The following SLCO5A1 variants were observed in gnomAD, a reference collection of about 807,000 sequenced individuals.
SLCO5A1 encodes solute carrier organic anion transporter family member 5A1.
A neutral mutation model predicts 65.1 loss-of-function variants in SLCO5A1; 39 were observed. The observed-to-expected ratio is 0.60, with a 90% CI of 0.46 to 0.78. The LOEUF is 0.78. Ranked by LOEUF, SLCO5A1 falls within the 30% of genes least tolerant of loss-of-function variation. The pLI is 0.00. For missense variants in SLCO5A1, 1,029 were observed against 1,069.4 expected, an observed-to-expected ratio of 0.96 and a Z score of 0.53; for synonymous variants, 438 against 415.7, an observed-to-expected ratio of 1.05 and a Z score of -0.65.
intron 2 of SLCO5A1, among the ~76,000 whole-genome samples, chr8:69,765,783 C>G (rs1237195543): frequency 6.6e-6 from 1 of 152,218 alleles, no homozygotes; most frequent in East Asian, 1.9e-4. Flanking sequence ...TAGGTGGAAC[C>G]AGGTCCCTTC....
At chr8:69,765,828 T>C (rs1188887779) in intron 2 of SLCO5A1, among the ~76,000 whole-genome samples, 2 of 152,108 alleles carry the variant, frequency 1.3e-5, no homozygotes, top group African/African-American at 4.8e-5. Context: ...CCTGGGCCTT[T>C]CCAACTCTCT....
Position 69,679,382 on chromosome 8 carries a change from G to A in SLCO5A1, c.2020C>T (p.Leu674Phe). Residue 674 changes from leucine to phenylalanine, a missense_variant, in exon 8 of 10, where the codon CTC becomes TTC. Around this residue, in one of 3 missense-constraint regions of SLCO5A1, gnomAD observed 258 missense variants for 237.4 expected, o/e 1.09. Transcript: ENST00000260126. ...GAAGTTGAATGCTGTTCTCACCTGA[G>A]TGTTACTATGATAGCTGATGGTTGG... ...CAQPSAIIVT[L>F]RSVEDEERPF... The A allele has an allele frequency of 6.2e-7, 1 of 1,614,168 alleles. No individual in the cohort carries two copies. Among genetic ancestry groups the A allele is most frequent in the African/African-American group, 1.3e-5 (1 of 75,046 alleles).
Position 69,673,357 on chromosome 8 carries a change from G to T in SLCO5A1, c.2090-31C>A, listed in dbSNP as rs373882197. ...GGGGTGGAGAAGAAGAAAATACGAA[G>T]ACTTAGCACATCTTCCAAGGGAAAA... On this transcript the variant is annotated intron_variant, in intron 9 of 9. Transcript: ENST00000260126. 3.8e-6 allele frequency: 6 copies of T among 1,561,670 alleles called. No individual in the cohort carries two copies. The African/African-American group carries it at 8.2e-5, about 21-fold the overall frequency.
At chr8:69,773,010 G>A in intron 2 of SLCO5A1, 1 of 977,294 alleles carries the variant, frequency 1.0e-6, no homozygotes, top group Non-Finnish European at 1.2e-6. Context: ...AATTAGTTGG[G>A]GAGGGAGGAC....
chr8:69,672,850 A>AT lies in SLCO5A1; in HGVS notation c.*18dup. The AT allele has an allele frequency of 6.3e-7, 1 of 1,579,716 alleles. No homozygotes were observed. The highest frequency in any genetic ancestry group is 8.6e-7 in the Non-Finnish European group (1 of 1,164,830). On this transcript the variant is annotated 3_prime_UTR_variant, in exon 10 of 10. Transcript: ENST00000260126. ...TTTTCAATTCAACCAACAAAACTAAATTCTTCCATTTTCAAGCTTCAGGAG... is the reference window on the plus strand; with the variant it reads ...TTTTCAATTCAACCAACAAAACTAAATTTCTTCCATTTTCAAGCTTCAGGAG...
chr8:69,695,326 C>T (rs1252431669), intron 6 of SLCO5A1, among the ~76,000 whole-genome samples: 3 of 152,092 alleles, frequency 2.0e-5, no homozygotes, highest in Non-Finnish European at 4.4e-5. Flanking sequence ...AAAACCCCAT[C>T]TCTACTAAAA....
At chr8:69,690,064 A>C (rs4548191) in intron 6 of SLCO5A1, among the ~76,000 whole-genome samples, 2 of 146,516 alleles carry the variant, frequency 1.4e-5, no homozygotes, top group Admixed American at 6.8e-5. Context: ...GGGGGGCGCC[A>C]GGGGCCTCCC....
chr8:69,806,121 G>T (rs900323395), intron 2 of SLCO5A1, among the ~76,000 whole-genome samples: 3 of 152,208 alleles, frequency 2.0e-5, no homozygotes, highest in Admixed American at 6.5e-5. Flanking sequence ...GGATGTGCCT[G>T]AGATGATTAT....
chr8:69,797,998 C>T (rs766050612), intron 2 of SLCO5A1, among the ~76,000 whole-genome samples: 7 of 152,146 alleles, frequency 4.6e-5, no homozygotes, highest in Admixed American at 1.3e-4. Context: ...GGGGGAATCA[C>T]GGAACCTGCC....
In SLCO5A1 at chr8:69,672,952, G is replaced by C. The variant is rs371888202; in HGVS notation, c.2464C>G (p.Pro822Ala). Residue 822 changes from proline (P) to alanine (A), a missense_variant, in exon 10 of 10, where the codon CCG becomes GCG. Around this residue, in one of 3 missense-constraint regions of SLCO5A1, gnomAD observed 258 missense variants for 237.4 expected, o/e 1.09. Coordinates refer to ENST00000260126, the MANE Select transcript of SLCO5A1 (RefSeq NM_030958.3). ...KGIQCAAQTY[P>A]GPFPEAISSS... ...CTTATTGCTTCTGGGAAGGGCCCCG[G>C]GTAGGTCTGTGCTGCGCACTGGATC... The C allele has an allele frequency of 6.2e-7, 1 of 1,614,082 alleles. No homozygotes were observed. Among genetic ancestry groups the C allele is most frequent in the Non-Finnish European group, 8.5e-7 (1 of 1,180,048 alleles).
At chr8:69,795,588 G>C (rs1819454772) in intron 2 of SLCO5A1, among the ~76,000 whole-genome samples, 1 of 152,220 alleles carries the variant, frequency 6.6e-6, no homozygotes, top group South Asian at 2.1e-4. Flanking sequence ...AGTCCTCAAA[G>C]CTGCTCTCAT....
At chr8:69,825,661 T>A (rs1820853028) in intron 2 of SLCO5A1, among the ~76,000 whole-genome samples, 1 of 152,154 alleles carries the variant, frequency 6.6e-6, no homozygotes, top group Non-Finnish European at 1.5e-5. Flanking sequence ...CGTTCCATGC[T>A]CATGGGTAGG....
chr8:69,722,240 T>G (rs1211479740), intron 5 of SLCO5A1, among the ~76,000 whole-genome samples: 2 of 152,134 alleles, frequency 1.3e-5, no homozygotes, highest in African/African-American at 2.4e-5. Context: ...GACTTCAACT[T>G]TAACCAAGAT....
chr8:69,755,216 A>G (rs1448243208), intron 4 of SLCO5A1, among the ~76,000 whole-genome samples: 1 of 152,198 alleles, frequency 6.6e-6, no homozygotes, highest in Non-Finnish European at 1.5e-5. Context: ...ATAACATACA[A>G]AATATAACCT....
chr8:69,739,724 A>C (rs1816716931), intron 4 of SLCO5A1, among the ~76,000 whole-genome samples: 1 of 152,144 alleles, frequency 6.6e-6, no homozygotes, highest in Admixed American at 6.5e-5. Flanking sequence ...TTAAAATAAA[A>C]ATTAAGATGC....
At chr8:69,751,857 TG>T (rs1817317901) in intron 4 of SLCO5A1, among the ~76,000 whole-genome samples, 1 of 152,206 alleles carries the variant, frequency 6.6e-6, no homozygotes, top group Non-Finnish European at 1.5e-5. Flanking sequence ...AATAGTTTTC[TG>T]TTTAAGGAAG....
At chr8:69,761,571 G>C (rs1817777201) in intron 3 of SLCO5A1, 172 bp downstream of exon 3, 2 of 634,948 alleles carry the variant, frequency 3.1e-6, no homozygotes, top group South Asian at 4.0e-5. Context: ...TAGGTTCTGG[G>C]GATTAGGACG....
chr8:69,712,946 T>C (rs983597359), intron 5 of SLCO5A1, among the ~76,000 whole-genome samples: 3 of 152,230 alleles, frequency 2.0e-5, no homozygotes, highest in Non-Finnish European at 2.9e-5. Flanking sequence ...AAGATCTAAT[T>C]TGAGGTTAAA....
At chr8:69,793,916 T>C (rs1450618769) in intron 2 of SLCO5A1, 1 of 152,892 alleles carries the variant, frequency 6.5e-6, no homozygotes, top group Non-Finnish European at 1.5e-5. Flanking sequence ...TAGTCTAAGG[T>C]CTTGACATAT....
Sources: allele counts gnomAD v4.1 joint callset (sites outside exome capture counted in the v4.1 genomes callset), GRCh38; gene constraint gnomAD v4.1.1; regional missense constraint gnomAD v4.1.1; transcripts MANE v1.5; gene names NCBI Gene and HGNC (gene_info 2026-07-23, HGNC 2026-07-21).